RAD51C: variants seen among roughly 807,000 people sequenced by gnomAD.
The protein encoded by RAD51C is RAD51 paralog C, also known as DNA repair protein RAD51 homolog 3.
Under a neutral mutation model 45.0 loss-of-function variants are expected in RAD51C, and 42 were observed. That is an observed-to-expected ratio of 0.93 (90% CI 0.73 to 1.21). RAD51C has a LOEUF of 1.21. RAD51C is among the 50% of genes most tolerant of loss of function. The pLI is 0.00. For synonymous variants in RAD51C, 172 were observed against 159.8 expected, an observed-to-expected ratio of 1.08 and a Z score of -0.58; for missense variants, 474 against 452.2, an observed-to-expected ratio of 1.05 and a Z score of -0.44.
At chr17:58,712,379 A>G (rs559695894) in intron 5 of RAD51C, among the ~76,000 whole-genome samples, 2 of 149,910 alleles carry the variant, frequency 1.3e-5, no homozygotes, top group South Asian at 2.1e-4. Flanking sequence ...ATTTTAAGTT[A>G]TGTATGCTTT....
intron 1 of RAD51C, chr17:58,694,194 AATAC>A (rs1292462115): frequency 6.6e-6 from 1 of 151,918 alleles, no homozygotes; most frequent in Non-Finnish European, 1.5e-5. Flanking sequence ...TATTATAAAT[AATAC>A]ATGCATATGT....
intron 6 of RAD51C, among the ~76,000 whole-genome samples, chr17:58,721,372 C>T (rs2048912215): frequency 6.6e-6 from 1 of 152,170 alleles, no homozygotes; most frequent in African/African-American, 2.4e-5. Context: ...AAGGTGAATC[C>T]ACTTAAATAC....
At chr17:58,719,729 ATTTTTTTTTTT>A (rs35062854) in intron 5 of RAD51C, among the ~76,000 whole-genome samples, 2 of 135,746 alleles carry the variant, frequency 1.5e-5, no homozygotes, top group Non-Finnish European at 3.2e-5. Context: ...TGGATTTTTA[ATTTTTTTTTTT>A]TTTTTTGAGA....
chr17:58,711,129 T>A (rs1297230802), intron 5 of RAD51C, among the ~76,000 whole-genome samples: 1 of 152,192 alleles, frequency 6.6e-6, no homozygotes, highest in Non-Finnish European at 1.5e-5. Context: ...TTTAGCCTTT[T>A]GTTAATATCA....
intron 7 of RAD51C, among the ~76,000 whole-genome samples, chr17:58,730,376 AC>A (rs1267856692): frequency 1.4e-5 from 2 of 142,870 alleles, no homozygotes; most frequent in Non-Finnish European, 3.0e-5. Flanking sequence ...TGGGGGTTTC[AC>A]CGTGTTGGCC....
chr17:58,703,573 A>ATAGC (rs2048283250), intron 4 of RAD51C, among the ~76,000 whole-genome samples: 1 of 152,230 alleles, frequency 6.6e-6, no homozygotes, highest in Non-Finnish European at 1.5e-5. Flanking sequence ...TAATAGTGGA[A>ATAGC]TAGCTCCTAT....
At chr17:58,706,732 A>T in intron 4 of RAD51C, 1 of 215,696 alleles carries the variant, frequency 4.6e-6, no homozygotes, top group Admixed American at 5.5e-5. Context: ...AAGGAAGTCC[A>T]ACAGCCTTCG....
At chr17:58,718,117 C>G (rs1158255572) in intron 5 of RAD51C, among the ~76,000 whole-genome samples, 5 of 152,096 alleles carry the variant, frequency 3.3e-5, no homozygotes, top group Non-Finnish European at 5.9e-5. Context: ...CTGTCTCAGC[C>G]TCCCGAGTAG....
intron 6 of RAD51C, among the ~76,000 whole-genome samples, chr17:58,722,236 G>A (rs752910049): frequency 2.0e-5 from 3 of 152,120 alleles, no homozygotes; most frequent in Non-Finnish European, 4.4e-5. Flanking sequence ...GGAAATGGAT[G>A]CCCTCAGGAA....
intron 1 of RAD51C, chr17:58,694,662 A>T (rs2047927388): frequency 4.9e-6 from 2 of 412,102 alleles, no homozygotes; most frequent in South Asian, 4.2e-5. Flanking sequence ...TTTAGTAGAG[A>T]CGGAGTTTCA....
chr17:58,698,007 C>T (rs1185914954), intron 3 of RAD51C, among the ~76,000 whole-genome samples: 3 of 151,756 alleles, frequency 2.0e-5, no homozygotes, highest in Admixed American at 6.6e-5. Context: ...CCACCGCACC[C>T]GGCCAATTTT....
chr17:58,731,395 G>A (rs1411221682), intron 7 of RAD51C, among the ~76,000 whole-genome samples: 1 of 151,934 alleles, frequency 6.6e-6, no homozygotes, highest in Non-Finnish European at 1.5e-5. Context: ...GAGTAGCTGG[G>A]ATTACAGGCA....
Position 58,703,301 on chromosome 17 carries a change from T to C in RAD51C, c.677T>C (p.Leu226Pro), listed in dbSNP as rs1225858240. 1.2e-6 allele frequency: 2 copies of C among 1,612,094 alleles called. No individual in the cohort carries two copies. The highest frequency in any genetic ancestry group is 1.7e-6 in the Non-Finnish European group (2 of 1,178,372). Residue 226 changes from leucine to proline, a missense_variant, in exon 4 of 9, where the codon CTT (leucine) becomes CCT (proline). By Grantham distance (98) the Leu-to-Pro change is moderately conservative. Coordinates refer to ENST00000337432, the MANE Select transcript of RAD51C (RefSeq NM_058216.3). ...YTELLAQVYL[L>P]PDFLSEHSKV... is the part of the protein sequence containing the mutation. Reference sequence around the variant, plus strand: ...GAGTTACTGGCACAAGTTTATCTTCTTCCAGATTTCCTTTCAGAACACTCA... The same window carrying C: ...GAGTTACTGGCACAAGTTTATCTTCCTCCAGATTTCCTTTCAGAACACTCA...
chr17:58,695,282 A>G, intron 2 of RAD51C, 93 bp downstream of exon 2: 3 of 1,481,116 alleles, frequency 2.0e-6, no homozygotes, highest in Non-Finnish European at 2.7e-6. Context: ...AATAAGATAT[A>G]TATGTGCTCT....
intron 2 of RAD51C, among the ~76,000 whole-genome samples, chr17:58,695,995 A>T (rs1598458223): frequency 6.6e-6 from 1 of 151,356 alleles, no homozygotes; most frequent in East Asian, 1.9e-4. Context: ...TGTACTTGGG[A>T]GGTGGAGGTT....
At chr17:58,717,612 T>C (rs1207939173) in intron 5 of RAD51C, among the ~76,000 whole-genome samples, 2 of 152,116 alleles carry the variant, frequency 1.3e-5, no homozygotes, top group African/African-American at 4.8e-5. Context: ...AGCTCACACC[T>C]GTAATCCCAG....
chr17:58,696,911 A>G (rs2048038143), intron 3 of RAD51C, 52 bp downstream of exon 3: 9 of 1,589,242 alleles, frequency 5.7e-6, no homozygotes, highest in Non-Finnish European at 6.0e-6. Context: ...AGTAATTTGC[A>G]TTTGTGCCCA....
intron 5 of RAD51C, among the ~76,000 whole-genome samples, chr17:58,718,972 C>T (rs1259231152): frequency 1.3e-5 from 2 of 152,116 alleles, no homozygotes; most frequent in Non-Finnish European, 2.9e-5. Flanking sequence ...CTTATAATCC[C>T]GGCCCTTTGG....
Position 58,734,586 on chromosome 17 carries a change from GTGTTT to G in RAD51C, c.*366_*370del. The G allele has an allele frequency of 7.1e-6, 1 of 140,410 alleles. No homozygotes were observed. Among genetic ancestry groups the G allele is most frequent in the Non-Finnish European group, 1.4e-5 (1 of 71,316 alleles). 8.7% of individuals were successfully genotyped at this position (140,410 alleles called of 1,614,324 possible). A position where few individuals can be genotyped will look rare whatever the true frequency, so the allele number is the denominator to read the frequency against. ...GGAAGAAACATATCATATTCTTATT[GTGTTT>G]TTTTTTTTTTTTTTTTTTTTGGAGA... On this transcript the variant is annotated 3_prime_UTR_variant, in exon 9 of 9. Transcript: ENST00000337432.
Sources: gnomAD v4.1 joint callset for allele counts (sites outside exome capture counted in the v4.1 genomes callset) on GRCh38, gnomAD v4.1.1 for gene constraint, MANE v1.5 for transcripts, NCBI Gene and HGNC (gene_info 2026-07-23, HGNC 2026-07-21) for gene names.